Variants in SH3BP4 observed in about 807,000 individuals in gnomAD.
The protein encoded by SH3BP4 is SH3 domain binding protein 4.
A neutral mutation model predicts 65.5 loss-of-function variants in SH3BP4; 33 were observed. That is an observed-to-expected ratio of 0.50 (90% confidence interval 0.38 to 0.67). SH3BP4 has a LOEUF of 0.67. SH3BP4 is among the 30% of genes least tolerant of loss of function. The pLI is 0.00. For synonymous variants in SH3BP4, 552 were observed against 545.5 expected, an observed-to-expected ratio of 1.01 and a Z score of -0.17; for missense variants, 1,134 against 1,261.4, an observed-to-expected ratio of 0.90 and a Z score of 1.53.
intron 2 of SH3BP4, among the ~76,000 whole-genome samples, chr2:235,012,293 C>A (rs565756249): frequency 7.6e-4 from 115 of 152,276 alleles, no homozygotes; most frequent in Admixed American, 4.1e-3. Flanking sequence ...ACAGCCACAG[C>A]CAGTGACCCA....
At chr2:234,988,315 T>A (rs1258858043) in intron 1 of SH3BP4, among the ~76,000 whole-genome samples, 3 of 152,134 alleles carry the variant, frequency 2.0e-5, no homozygotes, top group Non-Finnish European at 2.9e-5. Flanking sequence ...CACCTTGGCC[T>A]CCCAAAGTGC....
intron 2 of SH3BP4, among the ~76,000 whole-genome samples, chr2:235,005,448 T>C (rs992967460): frequency 1.3e-5 from 2 of 152,094 alleles, no homozygotes; most frequent in African/African-American, 4.8e-5. Flanking sequence ...CTGGCGTCAC[T>C]TCCCCCAGGG....
At chr2:234,988,559 C>G (rs1693652195) in intron 1 of SH3BP4, among the ~76,000 whole-genome samples, 1 of 152,200 alleles carries the variant, frequency 6.6e-6, no homozygotes, top group Non-Finnish European at 1.5e-5. Flanking sequence ...GTCTTCCGGC[C>G]ACACAGGTGT....
intron 2 of SH3BP4, among the ~76,000 whole-genome samples, chr2:235,022,652 T>G (rs1694879671): frequency 6.6e-6 from 1 of 152,184 alleles, no homozygotes; most frequent in Non-Finnish European, 1.5e-5. Context: ...TAAGCAAGGC[T>G]TTTCTTGACC....
At chr2:234,980,006 T>G (rs1693320409) in intron 1 of SH3BP4, 1 of 152,216 alleles carries the variant, frequency 6.6e-6, no homozygotes, top group Non-Finnish European at 1.5e-5. Context: ...AAGTCTGTTG[T>G]TTGGGGCGAT....
At chr2:235,014,192 C>A (rs916740838) in intron 2 of SH3BP4, among the ~76,000 whole-genome samples, 1 of 152,132 alleles carries the variant, frequency 6.6e-6, no homozygotes, top group Non-Finnish European at 1.5e-5. Context: ...CGTTGCCTGC[C>A]GACATCAGCC....
Position 235,042,532 on chromosome 2 carries a change from C to T in SH3BP4, c.1763C>T (p.Thr588Met), listed in dbSNP as rs373202308. Residue 588 changes from threonine (T) to methionine (M), a missense_variant, in exon 4 of 6, where the codon ACG (threonine) becomes ATG (methionine). Physicochemically the swap from Thr to Met is moderately conservative, Grantham distance 81. Transcript: ENST00000392011. The surrounding 1 kb of genome is among the most constrained non-coding windows in gnomAD (Gnocchi z 7.3). Reference protein sequence around the residue: ...SQNPNELSDFTLRVQVKDDQE... With the variant: ...SQNPNELSDFMLRVQVKDDQE... ...AACCCCAACGAGCTCTCTGACTTCA[C>T]GCTGCGGGTTCAGGTGAAGGACGAC... The T allele has an allele frequency of 2.4e-5, 39 of 1,614,054 alleles. No individual in the cohort carries two copies. Among genetic ancestry groups the T allele is most frequent in the South Asian group, 9.9e-5 (9 of 91,084 alleles).
chr2:235,046,937 A>G lies in SH3BP4; in HGVS notation c.2478+3690A>G, dbSNP rs929132725. On this transcript the variant is annotated intron_variant, in intron 4 of 5. Coordinates refer to ENST00000392011, the MANE Select transcript of SH3BP4 (RefSeq NM_014521.3). This position sits in a 1 kb window ranked among gnomAD's most constrained non-coding sequence, Gnocchi z 4.2. ...GTACCTCTGCCTGCCCCTTCCCAGC[A>G]GCATGGCTGTGGCTGCACTCAGAGC... Among the ~76,000 whole-genome samples, 1 of 152,200 alleles carries G rather than the reference A, an allele frequency of 6.6e-6. No individual in the cohort carries two copies. Among genetic ancestry groups the G allele is most frequent in the Non-Finnish European group, 1.5e-5 (1 of 68,030 alleles).
At chr2:235,028,343 A>G (rs1165303288) in intron 2 of SH3BP4, among the ~76,000 whole-genome samples, 3 of 152,146 alleles carry the variant, frequency 2.0e-5, no homozygotes, top group Non-Finnish European at 2.9e-5. Flanking sequence ...ACGGTGGTCA[A>G]GCTTGTTGGG....
chr2:235,002,682 C>T (rs761668868), intron 2 of SH3BP4, among the ~76,000 whole-genome samples: 13 of 152,208 alleles, frequency 8.5e-5, no homozygotes, highest in Non-Finnish European at 1.6e-4. Flanking sequence ...GCTGTGATCA[C>T]GCCACTGCAC....
At chr2:235,015,309 A>G (rs1694655197) in intron 2 of SH3BP4, among the ~76,000 whole-genome samples, 1 of 152,216 alleles carries the variant, frequency 6.6e-6, no homozygotes, top group African/African-American at 2.4e-5. Flanking sequence ...TATTGAGGAA[A>G]AATGTAGGGC....
In SH3BP4 at chr2:235,053,654, C is replaced by T. The variant is rs201766919; in HGVS notation, c.2730C>T (p.Tyr910=). Reference sequence around the variant, plus strand: ...GGAGCCATCAGATCGGGGACAGCTACCGGGATGTCATCCAGGAGCTGCACC... The same window carrying T: ...GGAGCCATCAGATCGGGGACAGCTATCGGGATGTCATCCAGGAGCTGCACC... ...LTWSHQIGDS[Y]RDVIQELHLG... The change falls in exon 6 of 6, where the codon TAC becomes TAT. Residue 910 remains tyrosine (Y), a synonymous_variant. Coordinates refer to ENST00000392011, the MANE Select transcript of SH3BP4 (RefSeq NM_014521.3). 2 of 1,614,202 alleles carry T rather than the reference C, an allele frequency of 1.2e-6. No individual in the cohort carries two copies. The highest frequency in any genetic ancestry group is 4.5e-5 in the East Asian group (2 of 44,890).
chr2:234,984,739 G>A (rs1221576306), intron 1 of SH3BP4, among the ~76,000 whole-genome samples: 1 of 152,066 alleles, frequency 6.6e-6, no homozygotes, highest in Non-Finnish European at 1.5e-5. Flanking sequence ...AAAACCCAGT[G>A]GTCTAGCACC....
At position 234,952,842 on chromosome 2, in the gene SH3BP4, C is replaced by G. The variant is rs893710076; in HGVS notation, c.-207+672C>G. On this transcript the variant is annotated intron_variant, in intron 1 of 5. Transcript: ENST00000392011. This position sits in a 1 kb window ranked among gnomAD's most constrained non-coding sequence, Gnocchi z 6.5. ...CCGGCTGGGATAGAGGCGCGTTGTT[C>G]TCTGAGCGATGTTTACCGAGAAGCC... is the stretch of plus-strand genomic sequence containing the variant. 5.3e-5 allele frequency: 8 copies of G among 152,166 alleles called. No individual in the cohort carries two copies. Among genetic ancestry groups the G allele is most frequent in the African/African-American group, 1.4e-4 (6 of 41,458 alleles). The allele number at this position is 152,166 out of a possible 1,614,324, so 9.4% of individuals were successfully genotyped here.
intron 1 of SH3BP4, among the ~76,000 whole-genome samples, chr2:234,984,492 A>G (rs533112259): frequency 1.6e-4 from 25 of 152,274 alleles, no homozygotes; most frequent in African/African-American, 5.8e-4. Context: ...TACAGGCATG[A>G]GCCACTAAGC....
intron 2 of SH3BP4, among the ~76,000 whole-genome samples, chr2:235,001,046 C>T (rs903981137): frequency 2.0e-5 from 3 of 152,252 alleles, no homozygotes; most frequent in African/African-American, 7.2e-5. Context: ...TGTGTCTGAG[C>T]TGGGACGTAC....
chr2:235,042,097 A>C lies in SH3BP4; in HGVS notation c.1328A>C (p.His443Pro). The change falls in exon 4 of 6, where the codon CAC becomes CCC. Residue 443 changes from histidine to proline, a missense_variant. His to Pro is a moderately conservative substitution (Grantham distance 77). Transcript: ENST00000392011. This position sits in a 1 kb window ranked among gnomAD's most constrained non-coding sequence, Gnocchi z 7.3. ...SCGDTVQAQL[H>P]NLEPCMYVAV... The stretch of plus-strand genomic sequence containing the variant: ...GGGGACACGGTCCAGGCACAGCTGC[A>C]CAACCTGGAGCCCTGTATGTACGTG... The C allele has an allele frequency of 6.2e-7, 1 of 1,613,934 alleles. No individual in the cohort carries two copies. Among genetic ancestry groups the C allele is most frequent in the Non-Finnish European group, 8.5e-7 (1 of 1,180,026 alleles).
intron 2 of SH3BP4, among the ~76,000 whole-genome samples, chr2:235,007,664 C>A (rs1323970270): frequency 6.6e-6 from 1 of 152,194 alleles, no homozygotes; most frequent in Admixed American, 6.5e-5. Flanking sequence ...TGAGGGATTT[C>A]TGGGCGCTGC....
chr2:235,001,259 C>A (rs1294834714), intron 2 of SH3BP4, among the ~76,000 whole-genome samples: 7 of 152,184 alleles, frequency 4.6e-5, no homozygotes, highest in Non-Finnish European at 1.0e-4. Flanking sequence ...ACCCCTGAAA[C>A]TGCATGCTAA....
Sources: allele counts gnomAD v4.1 joint callset (sites outside exome capture counted in the v4.1 genomes callset), GRCh38; gene constraint gnomAD v4.1.1; non-coding constraint Gnocchi (gnomAD v3.1); transcripts MANE v1.5; gene names NCBI Gene and HGNC (gene_info 2026-07-23, HGNC 2026-07-21).